Variants in MYOM3 observed in about 807,000 individuals in gnomAD.
The protein encoded by MYOM3 is myomesin-3.
Under a neutral mutation model 191.7 loss-of-function variants are expected in MYOM3, and 155 were observed. That is an observed-to-expected ratio of 0.81 (90% confidence interval 0.71 to 0.92). MYOM3 has a LOEUF of 0.92. MYOM3 is among the 40% of genes least tolerant of loss of function. The pLI, the probability that MYOM3 is intolerant of heterozygous loss-of-function variation, is 0.00. For synonymous variants in MYOM3, 757 were observed against 762.9 expected (o/e 0.99, Z 0.13); for missense variants, 1,889 against 1,890.6 (o/e 1.00, Z 0.02).
chr1:24,105,130 A>G (rs891470494), intron 5 of MYOM3, among the ~76,000 whole-genome samples: 2 of 144,078 alleles, frequency 1.4e-5, no homozygotes, highest in Non-Finnish European at 3.0e-5. Flanking sequence ...GGATTCTGCC[A>G]TGGTTCCCCT....
At position 24,061,163 on chromosome 1, in the gene MYOM3, G is replaced by A. The variant is rs967888030; in HGVS notation, c.3972-81C>T. On this transcript the variant is annotated intron_variant, in intron 34 of 36. Coordinates refer to ENST00000374434, the MANE Select transcript of MYOM3 (RefSeq NM_152372.4). ...AGCCCAGGTGGAGGTGAGGGGTGAT[G>A]AAGGAAAGGTGGAGCTGGCTGGGGC... 1.9e-6 allele frequency: 3 copies of A among 1,607,124 alleles called. No individual in the cohort carries two copies. In the African/African-American group the frequency reaches 4.0e-5, roughly 21 times the overall value.
intron 29 of MYOM3, chr1:24,065,685 C>G: frequency 1.6e-6 from 1 of 613,424 alleles, no homozygotes; most frequent in Non-Finnish European, 2.9e-6. Context: ...AGTTTTTTTG[C>G]ATTAATTTTG....
chr1:24,071,219 G>T lies in MYOM3; in HGVS notation c.3048C>A (p.Ile1016=). The stretch of plus-strand genomic sequence containing the variant: ...AAAGCCGCACCTCCCCTCGCTCCAG[G>T]ATGTCAATGTTCCAGCCGGAGATCA... ...IKLISGWNID[I]LERGEVRLWL... Residue 1016 remains isoleucine, a synonymous_variant, in exon 25 of 37, where the codon ATC becomes ATA. Transcript: ENST00000374434. 6.2e-7 allele frequency: 1 copy of T among 1,613,830 alleles called. No individual in the cohort carries two copies. Among genetic ancestry groups the T allele is most frequent in the Non-Finnish European group, 8.5e-7 (1 of 1,179,888 alleles).
At chr1:24,098,128 A>C in intron 6 of MYOM3, 117 bp from the exon 7 acceptor site, 1 of 722,684 alleles carries the variant, frequency 1.4e-6, no homozygotes, top group Non-Finnish European at 2.5e-6. Context: ...TGCCAGGAAG[A>C]GACTTTGGTC....
rs1197873920 is a variant in MYOM3 at position 24,080,114 on chromosome 1, C to T, written c.2488G>A (p.Ala830Thr). The change falls in exon 20 of 37, where the codon GCT becomes ACT. Residue 830 changes from alanine to threonine, a missense_variant. Transcript: ENST00000374434. ...ACGTGATAGCCTGTGACAGGCCCAG[C>T]CCCCATATACAGTGGGGGTTCCCAC... ...LQWEPPLYMG[A>T]GPVTGYHVSF... The T allele has an allele frequency of 5.0e-6, 8 of 1,614,118 alleles. No homozygotes were observed. The highest frequency in any genetic ancestry group is 6.8e-6 in the Non-Finnish European group (8 of 1,179,988).
chr1:24,103,908 A>C (rs1227006021), intron 5 of MYOM3, among the ~76,000 whole-genome samples: 1 of 151,728 alleles, frequency 6.6e-6, no homozygotes, highest in Non-Finnish European at 1.5e-5. Context: ...GGTGCACCTA[A>C]ATAATTAAAT....
rs1186227136 is a variant in MYOM3, at chr1:24,075,432, G to T, written c.2745C>A (p.Ile915=). The T allele has an allele frequency of 6.2e-7, 1 of 1,605,812 alleles. No homozygotes were observed. Among genetic ancestry groups the T allele is most frequent in the South Asian group, 1.1e-5 (1 of 89,634 alleles). ...IEVGVDEEGF[I]YLAFEAPEAP... ...CTTCAGGGGCTTCAAAAGCCAAATA[G>T]ATAAAGCCCTCTTCATCCACACCAA... is the stretch of plus-strand genomic sequence containing the variant. The change falls in exon 22 of 37, where the codon ATC becomes ATA. Residue 915 remains isoleucine, a synonymous_variant. Transcript: ENST00000374434.
In MYOM3 at chr1:24,092,979, G is replaced by C. The variant is rs1310650751; in HGVS notation, c.1058C>G (p.Pro353Arg). Residue 353 changes from proline to arginine, a missense_variant, in exon 10 of 37, where the codon CCC becomes CGC. Transcript: ENST00000374434. ...YMVRVPSPFG[P>R]REQSTYVLVR... ...AAGCACGTAGGTGCTCTGTTCCCGG[G>C]GTCCGAAGGGCGAGGGCACCCGGAC... The C allele has an allele frequency of 6.2e-7, 1 of 1,605,882 alleles. No homozygotes were observed. The highest frequency in any genetic ancestry group is 1.7e-5 in the Admixed American group (1 of 58,388).
intron 17 of MYOM3, 42 bp from the exon 18 acceptor site, chr1:24,082,230 G>A (rs1354553086): frequency 2.6e-6 from 4 of 1,530,314 alleles, no homozygotes; most frequent in Non-Finnish European, 2.6e-6. Context: ...CTCCCTAGGG[G>A]TGGCTGGATT....
chr1:24,095,124 G>C lies in MYOM3; in HGVS notation c.791-134C>G, dbSNP rs72879638. 1.1e-3 allele frequency: 1,070 copies of C among 963,230 alleles called. 12 individuals are homozygous for C. In the African/African-American group the frequency reaches 0.015, roughly 13 times the overall value. 59.7% of individuals were successfully genotyped at this position (963,230 alleles called of 1,614,324 possible). On this transcript the variant is annotated intron_variant, in intron 8 of 36. Coordinates refer to ENST00000374434, the MANE Select transcript of MYOM3 (RefSeq NM_152372.4). ...TAGGAGAAGGGGACCTGGCCTTGGG[G>C]TAGGAGGGGAAGAGACTTATCTAGG...
intron 35 of MYOM3, among the ~76,000 whole-genome samples, chr1:24,059,753 G>A (rs1643345787): frequency 1.3e-5 from 2 of 152,236 alleles, no homozygotes; most frequent in African/African-American, 4.8e-5. Flanking sequence ...GGTGGCCATT[G>A]TGGGTGGCCA....
At chr1:24,106,893 G>A (rs1480634098) in intron 4 of MYOM3, among the ~76,000 whole-genome samples, 180 bp downstream of exon 4, 1 of 152,238 alleles carries the variant, frequency 6.6e-6, no homozygotes, top group Non-Finnish European at 1.5e-5. Flanking sequence ...AGAACACTGA[G>A]GCTCAGTAAC....
At chr1:24,060,548 C>T (rs1643357790) in intron 35 of MYOM3, among the ~76,000 whole-genome samples, 1 of 152,160 alleles carries the variant, frequency 6.6e-6, no homozygotes, top group Non-Finnish European at 1.5e-5. Flanking sequence ...GAGCAGACAG[C>T]CAGACTCCTA....
intron 29 of MYOM3, 44 bp from the exon 30 acceptor site, chr1:24,064,203 G>A (rs1643407793): frequency 1.3e-6 from 2 of 1,515,790 alleles, no homozygotes; most frequent in East Asian, 2.3e-5. Context: ...ATGGGCTCCA[G>A]AAGGAGAGAT....
rs750307764 is a variant in MYOM3, at chr1:24,082,054, C to G, written c.2227G>C (p.Glu743Gln). 4 of 1,612,454 alleles carry G rather than the reference C, an allele frequency of 2.5e-6. No individual in the cohort carries two copies. The highest frequency in any genetic ancestry group is 1.3e-5 in the African/African-American group (1 of 74,810). Residue 743 changes from glutamate (E) to glutamine (Q), a missense_variant, in exon 18 of 37, where the codon GAG (glutamate) becomes CAG (glutamine). Physicochemically the swap from Glu to Gln is conservative, Grantham distance 29 (BLOSUM62 2). Coordinates refer to ENST00000374434, the MANE Select transcript of MYOM3 (RefSeq NM_152372.4). ...GYFLDQHDSE[E>Q]LDWHAVNQQP... is the part of the protein sequence containing the mutation. ...TGATTGACCGCATGCCAGTCCAGCT[C>G]TTCCGAGTCATGCTGGTCCAGGAAG...
At position 24,081,218 on chromosome 1, in the gene MYOM3, C is replaced by T. The variant is rs1392722545; in HGVS notation, c.2407+112G>A. The stretch of plus-strand genomic sequence containing the variant: ...AGGGCCAGGGGCCTGGGGTGCAGGA[C>T]AAACAGTGCAAGCCTGAATGCATAG... On this transcript the variant is annotated intron_variant, in intron 19 of 36. Coordinates refer to ENST00000374434, the MANE Select transcript of MYOM3 (RefSeq NM_152372.4). 5 of 1,387,586 alleles carry T rather than the reference C, an allele frequency of 3.6e-6. No homozygotes were observed. In the East Asian group the frequency reaches 1.2e-4, roughly 32 times the overall value. 86.0% of individuals were successfully genotyped at this position (1,387,586 alleles called of 1,614,324 possible).
chr1:24,068,421 G>A, intron 25 of MYOM3, 54 bp from the exon 26 acceptor site: 1 of 1,607,368 alleles, frequency 6.2e-7, no homozygotes, highest in East Asian at 2.2e-5. Flanking sequence ...CTTTGTTGTG[G>A]GGTACACATC....
intron 25 of MYOM3, among the ~76,000 whole-genome samples, chr1:24,070,089 A>C (rs1454095783): frequency 6.6e-6 from 1 of 152,262 alleles, no homozygotes; most frequent in Non-Finnish European, 1.5e-5. Flanking sequence ...GATATGATTT[A>C]CAAAATAATA....
intron 29 of MYOM3, among the ~76,000 whole-genome samples, chr1:24,065,400 G>A (rs1048299948): frequency 5.9e-5 from 9 of 152,156 alleles, no homozygotes; most frequent in Non-Finnish European, 1.3e-4. Flanking sequence ...GGGAGGACTT[G>A]GGGGGAGAAT....
Sources: allele counts gnomAD v4.1 joint callset (sites outside exome capture counted in the v4.1 genomes callset), GRCh38; gene constraint gnomAD v4.1.1; transcripts MANE v1.5; gene names NCBI Gene and HGNC (gene_info 2026-07-23, HGNC 2026-07-21).